Variants in HS6ST3 observed in about 807,000 individuals in gnomAD.
HS6ST3 encodes heparan-sulfate 6-O-sulfotransferase 3.
In HS6ST3, 12 loss-of-function variants were observed where a neutral mutation model predicts 36.7. That is an observed-to-expected ratio of 0.33 (90% confidence interval 0.21 to 0.53). The LOEUF is 0.53. Among genes scored for constraint, HS6ST3 ranks in the 20% least tolerant of loss-of-function variants. The probability of loss-of-function intolerance (pLI) is 0.95; values close to 1 mark genes in which losing one functional copy is unlikely to be tolerated. For synonymous variants in HS6ST3, 240 were observed against 257.5 expected, an observed-to-expected ratio of 0.93 and a Z score of 0.65; for missense variants, 584 against 640.9, an observed-to-expected ratio of 0.91 and a Z score of 0.96.
chr13:96,504,052 G>A (rs764624916), intron 1 of HS6ST3, among the ~76,000 whole-genome samples: 3 of 152,278 alleles, frequency 2.0e-5, no homozygotes, highest in South Asian at 4.1e-4. Context: ...CCTCATGACT[G>A]AATTTCCTCC....
At chr13:96,661,256 T>C (rs545818378) in intron 1 of HS6ST3, among the ~76,000 whole-genome samples, 2 of 152,284 alleles carry the variant, frequency 1.3e-5, no homozygotes, top group African/African-American at 4.8e-5. Context: ...CCCACCATTA[T>C]TGTATTTTGG....
At chr13:96,734,840 T>C (rs1387077048) in intron 1 of HS6ST3, among the ~76,000 whole-genome samples, 1 of 152,072 alleles carries the variant, frequency 6.6e-6, no homozygotes, top group Non-Finnish European at 1.5e-5. Flanking sequence ...GAAATTTGCT[T>C]TCCTTCATTC....
chr13:96,174,484 T>G (rs1168347800), intron 1 of HS6ST3, among the ~76,000 whole-genome samples: 1 of 152,116 alleles, frequency 6.6e-6, no homozygotes. Flanking sequence ...TTCTCCCACT[T>G]CAGTCTCCCA....
At chr13:96,254,340 G>A (rs1469936917) in intron 1 of HS6ST3, among the ~76,000 whole-genome samples, 1 of 144,118 alleles carries the variant, frequency 6.9e-6, no homozygotes, top group Non-Finnish European at 1.5e-5. Context: ...CTTGAACCCG[G>A]GAGGCAGAGG....
chr13:96,568,585 CTA>C (rs1182854851), intron 1 of HS6ST3, among the ~76,000 whole-genome samples: 1 of 152,068 alleles, frequency 6.6e-6, no homozygotes, highest in Admixed American at 6.5e-5. Flanking sequence ...ATTCAAGTGT[CTA>C]TATATTATTA....
At chr13:96,494,335 T>C (rs1283779887) in intron 1 of HS6ST3, among the ~76,000 whole-genome samples, 3 of 135,892 alleles carry the variant, frequency 2.2e-5, no homozygotes, top group African/African-American at 8.5e-5. Flanking sequence ...TAGGTGGGAA[T>C]TGAACAACAA....
intron 1 of HS6ST3, among the ~76,000 whole-genome samples, chr13:96,239,769 G>T (rs1439414980): frequency 6.6e-6 from 1 of 152,162 alleles, no homozygotes; most frequent in Non-Finnish European, 1.5e-5. Flanking sequence ...CCTCTTTGGA[G>T]CATCTGGGGG....
In HS6ST3 at chr13:96,307,114, GTCT is replaced by G. The variant is rs539021716; in HGVS notation, c.707+215549_707+215551del. Among the ~76,000 whole-genome samples the G allele has an allele frequency of 2.3e-3, 356 of 152,310 alleles. 4 individuals are homozygous for G. Among genetic ancestry groups the G allele is most frequent in the African/African-American group, 8.4e-3 (349 of 41,572 alleles). On this transcript the variant is annotated intron_variant, in intron 1 of 1. Transcript: ENST00000376705. Reference sequence around the variant, plus strand: ...GTAGTGTGCCATTAAATTTCTGTTGGTCTTCTACATTCAGTTAGTCTAGGAAGT... The same window carrying G: ...GTAGTGTGCCATTAAATTTCTGTTGGTCTACATTCAGTTAGTCTAGGAAGT...
chr13:96,822,334 G>A (rs773097534), intron 1 of HS6ST3, among the ~76,000 whole-genome samples: 4 of 152,178 alleles, frequency 2.6e-5, no homozygotes, highest in East Asian at 1.9e-4. Flanking sequence ...AAATAATCAC[G>A]GAAGTCCCTG....
intron 1 of HS6ST3, among the ~76,000 whole-genome samples, chr13:96,507,292 G>C (rs1055511283): frequency 6.6e-6 from 1 of 152,086 alleles, no homozygotes; most frequent in African/African-American, 2.4e-5. Flanking sequence ...TATGTCCTGA[G>C]CAGAAAACAG....
intron 1 of HS6ST3, among the ~76,000 whole-genome samples, chr13:96,119,341 G>A (rs2053914098): frequency 6.6e-6 from 1 of 152,032 alleles, no homozygotes; most frequent in Non-Finnish European, 1.5e-5. Flanking sequence ...GGAAAAAACA[G>A]AGTGATGTTT....
chr13:96,490,533 G>T (rs2055939778), intron 1 of HS6ST3, among the ~76,000 whole-genome samples: 3 of 152,256 alleles, frequency 2.0e-5, no homozygotes, highest in Non-Finnish European at 4.4e-5. Context: ...GCATTGACTA[G>T]ACTAAAAGTT....
intron 1 of HS6ST3, among the ~76,000 whole-genome samples, chr13:96,815,939 G>A (rs1878412836): frequency 6.6e-6 from 1 of 152,162 alleles, no homozygotes; most frequent in African/African-American, 2.4e-5. Flanking sequence ...ATCTCCTTCA[G>A]GGGTCTGCCT....
At chr13:96,565,727 T>C (rs1435941161) in intron 1 of HS6ST3, among the ~76,000 whole-genome samples, 1 of 152,106 alleles carries the variant, frequency 6.6e-6, no homozygotes, top group Non-Finnish European at 1.5e-5. Flanking sequence ...GTGGGTATCC[T>C]AAAGAAAAGC....
At chr13:96,519,629 C>T (rs2056085743) in intron 1 of HS6ST3, among the ~76,000 whole-genome samples, 1 of 152,112 alleles carries the variant, frequency 6.6e-6, no homozygotes, top group African/African-American at 2.4e-5. Context: ...CTTTATTTGC[C>T]TATTCATAGC....
At chr13:96,163,899 A>G (rs2054148959) in intron 1 of HS6ST3, among the ~76,000 whole-genome samples, 1 of 152,150 alleles carries the variant, frequency 6.6e-6, no homozygotes, top group Non-Finnish European at 1.5e-5. Flanking sequence ...TAGATATATT[A>G]CTCATGAGTT....
At chr13:96,826,737 C>G (rs1330132917) in intron 1 of HS6ST3, among the ~76,000 whole-genome samples, 1 of 152,116 alleles carries the variant, frequency 6.6e-6, no homozygotes, top group African/African-American at 2.4e-5. Context: ...ACGTGATCGC[C>G]TTACAGCAGA....
intron 1 of HS6ST3, among the ~76,000 whole-genome samples, chr13:96,200,588 C>G (rs1337889981): frequency 6.6e-6 from 1 of 152,178 alleles, no homozygotes; most frequent in Non-Finnish European, 1.5e-5. Context: ...CCTTACTCTG[C>G]TGTAGTATTT....
At chr13:96,253,954 C>G (rs2054619444) in intron 1 of HS6ST3, among the ~76,000 whole-genome samples, 1 of 151,948 alleles carries the variant, frequency 6.6e-6, no homozygotes, top group African/African-American at 2.4e-5. Context: ...GTTTTAATTA[C>G]CAAAGAAATA....
Sources: allele counts gnomAD v4.1 joint callset (sites outside exome capture counted in the v4.1 genomes callset), GRCh38; gene constraint gnomAD v4.1.1; transcripts MANE v1.5; gene names NCBI Gene and HGNC (gene_info 2026-07-23, HGNC 2026-07-21).